Variants in SLC17A3 observed in about 807,000 individuals in gnomAD.
SLC17A3 encodes sodium-dependent phosphate transport protein 4.
A neutral mutation model predicts 60.3 loss-of-function variants in SLC17A3; 61 were observed. The observed-to-expected ratio is 1.01, with a 90% confidence interval of 0.82 to 1.25. The LOEUF is 1.25. Among genes scored for constraint, SLC17A3 ranks in the 50% most tolerant of loss-of-function variants. SLC17A3 has a pLI of 0.00. For missense variants in SLC17A3, 624 were observed against 594.9 expected, an observed-to-expected ratio of 1.05 and a Z score of -0.51; for synonymous variants, 192 against 208.9, an observed-to-expected ratio of 0.92 and a Z score of 0.70.
intron 6 of SLC17A3, 83 bp from the exon 7 acceptor site, chr6:25,850,960 A>T (rs1765267122): frequency 3.0e-6 from 3 of 1,015,056 alleles, no homozygotes; most frequent in Non-Finnish European, 3.1e-6. Context: ...ATTTTCTGTT[A>T]TAAGTTCTAG....
chr6:25,855,050 A>T, intron 6 of SLC17A3, 94 bp downstream of exon 6: 1 of 827,030 alleles, frequency 1.2e-6, no homozygotes, highest in Non-Finnish European at 2.1e-6. Context: ...ATCTGTCTTG[A>T]CTCATTTCCT....
chr6:25,870,314 T>A (rs1165205), intron 1 of SLC17A3, among the ~76,000 whole-genome samples: 97,383 of 151,880 alleles, frequency 0.64, 33,167 homozygotes, highest in African/African-American at 0.87. Flanking sequence ...CCAAATGACA[T>A]AGCTGGGTCA....
chr6:25,850,254 T>A (rs530364956), intron 8 of SLC17A3, 77 bp from the exon 9 acceptor site: 1 of 1,469,928 alleles, frequency 6.8e-7, no homozygotes, highest in Admixed American at 1.9e-5. Flanking sequence ...TTACTACTAA[T>A]AATAATGACA....
chr6:25,850,955 CTGTTA>C, intron 6 of SLC17A3, 78 bp from the exon 7 acceptor site: 1 of 1,040,820 alleles, frequency 9.6e-7, no homozygotes, highest in Non-Finnish European at 1.5e-6. Context: ...GGGATATTTT[CTGTTA>C]TAAGTTCTAG....
chr6:25,856,170 G>A (rs935460662), intron 5 of SLC17A3, among the ~76,000 whole-genome samples: 2 of 151,234 alleles, frequency 1.3e-5, no homozygotes, highest in African/African-American at 4.9e-5. Context: ...AAAATATTGG[G>A]TTTTTTTTTC....
chr6:25,869,810 C>T (rs1388512037), intron 1 of SLC17A3, among the ~76,000 whole-genome samples: 2 of 151,952 alleles, frequency 1.3e-5, no homozygotes, highest in Non-Finnish European at 2.9e-5. Flanking sequence ...GACCACAATT[C>T]AAGATGAGAT....
chr6:25,861,242 A>G (rs1765440970), intron 5 of SLC17A3, among the ~76,000 whole-genome samples: 1 of 152,174 alleles, frequency 6.6e-6, no homozygotes, highest in Non-Finnish European at 1.5e-5. Flanking sequence ...TCCACTGAAT[A>G]ATAGTAAACT....
chr6:25,860,565 C>G (rs1765430281), intron 5 of SLC17A3, among the ~76,000 whole-genome samples: 1 of 152,144 alleles, frequency 6.6e-6, no homozygotes, highest in African/African-American at 2.4e-5. Flanking sequence ...GGGCTCTATG[C>G]TCTCTAAACT....
intron 11 of SLC17A3, 41 bp downstream of exon 11, chr6:25,849,333 G>T: frequency 9.1e-7 from 1 of 1,098,672 alleles, no homozygotes; most frequent in Non-Finnish European, 1.4e-6. Flanking sequence ...AGTGGATTTA[G>T]CAGAGCATCT....
intron 1 of SLC17A3, among the ~76,000 whole-genome samples, 175 bp downstream of exon 1, chr6:25,873,992 T>A (rs189185108): frequency 6.6e-6 from 1 of 152,174 alleles, no homozygotes; most frequent in Non-Finnish European, 1.5e-5. Context: ...AGCTTCAGCT[T>A]CCTGCCACTT....
intron 5 of SLC17A3, among the ~76,000 whole-genome samples, chr6:25,859,617 G>A (rs2151523564): frequency 2.0e-5 from 3 of 152,326 alleles, no homozygotes; most frequent in Non-Finnish European, 1.5e-5. Context: ...GTGGCCAGCA[G>A]CACTCATCCT....
chr6:25,867,078 C>T (rs147553687), intron 2 of SLC17A3, among the ~76,000 whole-genome samples: 248 of 152,050 alleles, frequency 1.6e-3, no homozygotes, highest in Non-Finnish European at 3.1e-3. Context: ...GAGTCTTCCC[C>T]AGCTCAGTTG....
At chr6:25,849,518 TTCAGCCCTGA>T (rs1193112989) in intron 10 of SLC17A3, 54 bp from the exon 11 acceptor site, 2 of 1,061,664 alleles carry the variant, frequency 1.9e-6, no homozygotes, top group Non-Finnish European at 3.0e-6. Context: ...GACAGTATCC[TTCAGCCCTGA>T]TCCATGTATG....
At chr6:25,848,925 G>A (rs1765222560) in intron 11 of SLC17A3, among the ~76,000 whole-genome samples, 1 of 152,096 alleles carries the variant, frequency 6.6e-6, no homozygotes, top group Non-Finnish European at 1.5e-5. Context: ...ATCAAAAAGT[G>A]GGCTAAGGAC....
intron 11 of SLC17A3, among the ~76,000 whole-genome samples, chr6:25,847,537 T>C (rs1293492643): frequency 6.6e-6 from 1 of 152,178 alleles, no homozygotes; most frequent in African/African-American, 2.4e-5. Flanking sequence ...CAACAGTGTA[T>C]AAGCGTTCCC....
intron 11 of SLC17A3, among the ~76,000 whole-genome samples, chr6:25,845,991 A>G (rs1163907105): frequency 1.3e-5 from 2 of 152,216 alleles, no homozygotes; most frequent in Admixed American, 1.3e-4. Flanking sequence ...AACTGATGTG[A>G]GAATCAATAT....
Position 25,864,183 on chromosome 6 carries a change from G to A in SLC17A3, c.92-1739C>T, listed in dbSNP as rs1459632521. Among the ~76,000 whole-genome samples the A allele has an allele frequency of 5.9e-5, 9 of 152,066 alleles. No homozygotes were observed. The South Asian group carries it at 1.0e-3, about 18-fold the overall frequency. The stretch of plus-strand genomic sequence containing the variant: ...AAAGAGGGGATTATGACAGAATGGA[G>A]TGAGCCAGGGGTACAAGAAGAGATG... On this transcript the variant is annotated intron_variant, in intron 2 of 12. Coordinates refer to ENST00000397060, the MANE Select transcript of SLC17A3 (RefSeq NM_001098486.2).
In SLC17A3 at chr6:25,871,889, C is replaced by T. The variant is rs939791044; in HGVS notation, c.-34+2278G>A. ...CATATCCAAGTATGGTAAGTTATAT[C>T]AGAGGGAAAAATTATGTAAATAGAT... On this transcript the variant is annotated intron_variant, in intron 1 of 12. Transcript: ENST00000397060. Among the ~76,000 whole-genome samples the T allele has an allele frequency of 3.3e-5, 5 of 151,974 alleles. No individual in the cohort carries two copies. In the East Asian group the frequency reaches 9.7e-4, roughly 30 times the overall value.
intron 1 of SLC17A3, 92 bp from the exon 2 acceptor site, chr6:25,868,512 C>G (rs2151527803): frequency 1.2e-6 from 1 of 825,010 alleles, no homozygotes; most frequent in Non-Finnish European, 2.0e-6. Flanking sequence ...GAAAAAAAAG[C>G]TGGCCCATTC....
Sources: allele counts gnomAD v4.1 joint callset (sites outside exome capture counted in the v4.1 genomes callset), GRCh38; gene constraint gnomAD v4.1.1; transcripts MANE v1.5; gene names NCBI Gene and HGNC (gene_info 2026-07-23, HGNC 2026-07-21).